The following LRP6 variants were observed in gnomAD, a reference collection of about 807,000 sequenced individuals.
LRP6 encodes LDL receptor related protein 6.
A neutral mutation model predicts 184.1 loss-of-function variants in LRP6; 43 were observed. The observed-to-expected ratio is 0.23, with a 90% CI of 0.18 to 0.30. The LOEUF is 0.30. Ranked by LOEUF, LRP6 falls within the 10% of genes least tolerant of loss-of-function variation. The pLI, the probability that LRP6 is intolerant of heterozygous loss-of-function variation, is 1.00. For missense variants in LRP6, 1,571 were observed against 2,005.3 expected, an observed-to-expected ratio of 0.78 and a Z score of 4.14; for synonymous variants, 719 against 684.9, an observed-to-expected ratio of 1.05 and a Z score of -0.78.
chr12:12,122,226 GA>G (rs909562875), intron 22 of LRP6, among the ~76,000 whole-genome samples: 1 of 152,216 alleles, frequency 6.6e-6, no homozygotes, highest in Non-Finnish European at 1.5e-5. Context: ...TGGAAAGAGA[GA>G]AACATACTAG....
chr12:12,158,803 T>G (rs1250268475), intron 12 of LRP6, 26 bp downstream of exon 12: 1 of 1,608,778 alleles, frequency 6.2e-7, no homozygotes, highest in South Asian at 1.1e-5. Flanking sequence ...TCATTCTAGC[T>G]TGCTTTGGAG....
intron 2 of LRP6, among the ~76,000 whole-genome samples, chr12:12,204,304 G>GT (rs1863994094): frequency 6.6e-6 from 1 of 150,906 alleles, no homozygotes; most frequent in South Asian, 2.1e-4. Context: ...AAAAAGGAGG[G>GT]GGGGGTCAGG....
At chr12:12,170,197 T>C (rs116600804) in intron 7 of LRP6, among the ~76,000 whole-genome samples, 1,641 of 152,074 alleles carry the variant, frequency 0.011, 31 homozygotes, top group African/African-American at 0.037. Flanking sequence ...GAGCCAGGTG[T>C]GGAGATGCAC....
intron 1 of LRP6, among the ~76,000 whole-genome samples, chr12:12,254,214 C>T (rs950713537): frequency 6.7e-6 from 1 of 150,026 alleles, no homozygotes; most frequent in African/African-American, 2.5e-5. Context: ...TGAACACAAG[C>T]GTCTGATGGC....
rs567529542 is a variant in LRP6, at chr12:12,121,055, C to T, written c.*71G>A. ...ATCCTTCTCTAATAGCTCCCTCCCC[C>T]CCTCCAGATCTCAACCAAATTTATA... On this transcript the variant is annotated 3_prime_UTR_variant, in exon 23 of 23. Coordinates refer to ENST00000261349, the MANE Select transcript of LRP6 (RefSeq NM_002336.3). 43 of 1,385,584 alleles carry T rather than the reference C, an allele frequency of 3.1e-5. No homozygotes were observed. The highest frequency in any genetic ancestry group is 7.4e-5 in the East Asian group (3 of 40,506). 85.8% of individuals were successfully genotyped at this position (1,385,584 alleles called of 1,614,324 possible).
intron 2 of LRP6, among the ~76,000 whole-genome samples, chr12:12,205,590 C>A (rs12307111): frequency 0.095 from 14,507 of 152,166 alleles, 760 homozygotes; most frequent in African/African-American, 0.12. Context: ...AGGCACTGTG[C>A]TAATGGCTTC....
rs1865785967 is a variant in LRP6, at chr12:12,266,920, CG to C, written c.-186del. ...GCCGCCGCCGCCCTCTCTACCGCGC[CG>C]CTCGGCCCCGGGCTCGCGCGACGCC... On this transcript the variant is annotated 5_prime_UTR_variant, in exon 1 of 23. It introduces an in-frame stop codon into an upstream open reading frame of the 5' UTR. Transcript: ENST00000261349. 3 of 623,630 alleles carry C rather than the reference CG, an allele frequency of 4.8e-6. No homozygotes were observed. The highest frequency in any genetic ancestry group is 5.7e-6 in the Non-Finnish European group (2 of 350,322). The allele number at this position is 623,630 out of a possible 1,614,324, so 38.6% of individuals were successfully genotyped here.
chr12:12,117,274 T>G lies in LRP6; in HGVS notation c.*3852A>C, dbSNP rs528035341. On this transcript the variant is annotated 3_prime_UTR_variant, in exon 23 of 23. Coordinates refer to ENST00000261349, the MANE Select transcript of LRP6 (RefSeq NM_002336.3). ...AGCTTCTTTAGGACTCAGTCCACAC[T>G]TAGTGCATAGTCTCATCTGTAGATG... is the stretch of plus-strand genomic sequence containing the variant. 4 of 152,228 alleles carry G rather than the reference T, an allele frequency of 2.6e-5. No individual in the cohort carries two copies. Among genetic ancestry groups the G allele is most frequent in the Admixed American group, 6.5e-5 (1 of 15,284 alleles). 9.4% of individuals were successfully genotyped at this position (152,228 alleles called of 1,614,324 possible). A position where few individuals can be genotyped will look rare whatever the true frequency, so the allele number is the denominator to read the frequency against.
chr12:12,235,996 C>A (rs1248352748), intron 2 of LRP6, among the ~76,000 whole-genome samples: 2 of 152,066 alleles, frequency 1.3e-5, no homozygotes, highest in East Asian at 3.9e-4. Flanking sequence ...GAGGCCGAGG[C>A]GGGCGGATCA....
intron 2 of LRP6, among the ~76,000 whole-genome samples, chr12:12,236,404 G>A (rs1591975529): frequency 6.6e-6 from 1 of 152,174 alleles, no homozygotes; most frequent in South Asian, 2.1e-4. Context: ...CATACTAATT[G>A]TATCAGAAAA....
At chr12:12,140,638 CT>C (rs1949918607) in intron 15 of LRP6, among the ~76,000 whole-genome samples, 2 of 144,174 alleles carry the variant, frequency 1.4e-5, no homozygotes, top group African/African-American at 5.1e-5. Flanking sequence ...GAGTTTTGCT[CT>C]TTCGCCCAGG....
At chr12:12,149,289 G>A (rs1950049540) in intron 13 of LRP6, 136 bp from the exon 14 acceptor site, 2 of 736,550 alleles carry the variant, frequency 2.7e-6, no homozygotes, top group African/African-American at 3.5e-5. Context: ...ATTTCTTACT[G>A]ATACCTTTTT....
At chr12:12,213,838 A>T (rs1267454037) in intron 2 of LRP6, among the ~76,000 whole-genome samples, 1 of 152,134 alleles carries the variant, frequency 6.6e-6, no homozygotes. Flanking sequence ...ATAATGTCTC[A>T]TAGATTTAAC....
chr12:12,135,360 G>A, intron 16 of LRP6, 60 bp from the exon 17 acceptor site: 1 of 1,202,826 alleles, frequency 8.3e-7, no homozygotes. Flanking sequence ...AGAGAAGTGG[G>A]AGAGAAGAGA....
chr12:12,245,192 C>A (rs559031346), intron 1 of LRP6, among the ~76,000 whole-genome samples: 1 of 152,258 alleles, frequency 6.6e-6, no homozygotes, highest in South Asian at 2.1e-4. Flanking sequence ...CTGGAATCAA[C>A]CCAAATGTCA....
chr12:12,221,324 C>A (rs183821293), intron 2 of LRP6, among the ~76,000 whole-genome samples: 3 of 152,110 alleles, frequency 2.0e-5, no homozygotes, highest in Non-Finnish European at 4.4e-5. Flanking sequence ...AACTTCAAAA[C>A]CCAATAATCA....
chr12:12,207,048 G>A (rs1453511919), intron 2 of LRP6, among the ~76,000 whole-genome samples: 1 of 152,180 alleles, frequency 6.6e-6, no homozygotes, highest in Non-Finnish European at 1.5e-5. Flanking sequence ...AAGAACTGTG[G>A]TATTTTAGCT....
At position 12,164,554 on chromosome 12, in the gene LRP6, G is replaced by C. The variant is rs142928914; in HGVS notation, c.1771C>G (p.Pro591Ala). 2.3e-5 allele frequency: 37 copies of C among 1,613,902 alleles called. No homozygotes were observed. The highest frequency in any genetic ancestry group is 3.0e-5 in the Non-Finnish European group (35 of 1,180,002). ...CATCCCCCGTTTTCCTCAGCACAGG[G>C]GTTGGAACCTAAAAGATTAATTATA... The part of the protein sequence containing the change: ...TNVHRVIGSN[P>A]CAEENGGCSH... The change falls in exon 9 of 23, where the codon CCC (proline) becomes GCC (alanine). Residue 591 changes from proline to alanine, a missense_variant. Pro to Ala is a conservative substitution (Grantham distance 27, BLOSUM62 -1). Around this residue, in one of 4 missense-constraint regions of LRP6, gnomAD observed 640 missense variants for 851.9 expected, o/e 0.75. Transcript: ENST00000261349.
At chr12:12,163,191 T>C (rs923900934) in intron 9 of LRP6, among the ~76,000 whole-genome samples, 2 of 151,844 alleles carry the variant, frequency 1.3e-5, no homozygotes, top group Admixed American at 1.3e-4. Flanking sequence ...GGCCAGGCTG[T>C]TCTCAAACTC....
Sources: allele counts gnomAD v4.1 joint callset (sites outside exome capture counted in the v4.1 genomes callset), GRCh38; gene constraint gnomAD v4.1.1; regional missense constraint gnomAD v4.1.1; transcripts MANE v1.5; gene names NCBI Gene and HGNC (gene_info 2026-07-23, HGNC 2026-07-21).